The following CBFA2T3 variants were observed in gnomAD, a reference collection of about 807,000 sequenced individuals.
CBFA2T3 encodes the protein CBFA2/RUNX1 partner transcriptional co-repressor 3, also known as transcriptional corepressor CBFA2T3.
A neutral mutation model predicts 58.6 loss-of-function variants in CBFA2T3; 31 were observed. The observed-to-expected ratio is 0.53, with a 90% confidence interval of 0.40 to 0.71. The LOEUF (loss-of-function observed/expected upper bound fraction) is 0.71. Ranked by LOEUF, CBFA2T3 falls within the 30% of genes least tolerant of loss-of-function variation. CBFA2T3 has a pLI of 0.00. For missense variants in CBFA2T3, 1,076 were observed against 963.1 expected (o/e 1.12, Z -1.55); for synonymous variants, 531 against 421.9 (o/e 1.26, Z -3.17).
intron 1 of CBFA2T3, among the ~76,000 whole-genome samples, chr16:88,914,594 C>T (rs375088910): frequency 6.6e-6 from 1 of 152,202 alleles, no homozygotes; most frequent in Non-Finnish European, 1.5e-5. Context: ...GTTTTTAAAG[C>T]GACCAGGGTG....
At position 88,975,132 on chromosome 16, in the gene CBFA2T3, CTG is replaced by C. The variant is rs1972774996; in HGVS notation, c.151+1523_151+1524del. Among the ~76,000 whole-genome samples the C allele has an allele frequency of 1.6e-4, 23 of 146,552 alleles. 1 individual carries two copies. Among genetic ancestry groups the C allele is most frequent in the Admixed American group, 7.3e-4 (11 of 14,980 alleles). On this transcript the variant is annotated intron_variant, in intron 1 of 11. Coordinates refer to ENST00000268679, the MANE Select transcript of CBFA2T3 (RefSeq NM_005187.6). The stretch of plus-strand genomic sequence containing the variant: ...TAGAGGCCACCCTGGCCCTCTGCTC[CTG>C]ACCTGCAGCCATGTCAGAGGTCCAC...
intron 1 of CBFA2T3, among the ~76,000 whole-genome samples, chr16:88,956,743 C>T (rs924156109): frequency 2.0e-5 from 3 of 152,312 alleles, no homozygotes; most frequent in Middle Eastern, 3.4e-3. Flanking sequence ...GCGTGGGCGG[C>T]GGGGGCTGGC....
chr16:88,882,811 G>A, intron 7 of CBFA2T3, 50 bp from the exon 8 acceptor site: 1 of 1,267,842 alleles, frequency 7.9e-7, no homozygotes, highest in Non-Finnish European at 1.1e-6. Context: ...GCCAGTCTCT[G>A]CCCTATTCTC....
chr16:88,879,816 G>A (rs1383953779), intron 10 of CBFA2T3: 1 of 242,910 alleles, frequency 4.1e-6, no homozygotes, highest in Non-Finnish European at 8.0e-6. Flanking sequence ...GCAAGGGCGA[G>A]GCCCACCCCA....
rs112559771 is a variant in CBFA2T3, at chr16:88,953,694, C to T, written c.151+22963G>A. Among the ~76,000 whole-genome samples, 1 of 152,284 alleles carries T rather than the reference C, an allele frequency of 6.6e-6. No homozygotes were observed. Among genetic ancestry groups the T allele is most frequent in the East Asian group, 1.9e-4 (1 of 5,184 alleles). ...ATGCCAAAGCGCCTTTTGCTGTATT[C>T]GGCACCCTGAGACCCTTATGTCTGC... On this transcript the variant is annotated intron_variant, in intron 1 of 11. Transcript: ENST00000268679. The surrounding 1 kb of genome is among the most constrained non-coding windows in gnomAD (Gnocchi z 4.9).
Position 88,932,873 on chromosome 16 carries a change from G to A in CBFA2T3, c.152-31217C>T, listed in dbSNP as rs559766061. Among the ~76,000 whole-genome samples, 12 of 147,542 alleles carry A rather than the reference G, an allele frequency of 8.1e-5. No individual in the cohort carries two copies. In the South Asian group the frequency reaches 1.6e-3, roughly 19 times the overall value. ...AATCCCAGCTACTCAGGAGGCTGAC[G>A]CAGGAGAATCACTTGAACCCGGGAA... On this transcript the variant is annotated intron_variant, in intron 1 of 11. Transcript: ENST00000268679.
chr16:88,898,237 C>T (rs2142622033), intron 2 of CBFA2T3, 85 bp from the exon 3 acceptor site: 5 of 1,034,260 alleles, frequency 4.8e-6, no homozygotes, highest in Non-Finnish European at 7.5e-6. Flanking sequence ...GCCACCTTTT[C>T]CTACTTCTCA....
chr16:88,930,661 A>C (rs911272943), intron 1 of CBFA2T3, among the ~76,000 whole-genome samples: 4 of 144,946 alleles, frequency 2.8e-5, no homozygotes, highest in Non-Finnish European at 6.0e-5. Flanking sequence ...GAGCGGGGGC[A>C]GACTGAGGGC....
rs530474122 is a variant in CBFA2T3 at position 88,891,283 on chromosome 16, T to C, written c.711+599A>G. 2.6e-5 allele frequency among the ~76,000 whole-genome samples: 4 copies of C among 152,330 alleles called. No individual in the cohort carries two copies. In the South Asian group the frequency reaches 8.3e-4, roughly 32 times the overall value. On this transcript the variant is annotated intron_variant, in intron 5 of 11. Transcript: ENST00000268679. ...CCCCATACCTCAGGGCCTCTGCACG[T>C]GCAGTTACTGCTGTCTGGAAAACCC... is the stretch of plus-strand genomic sequence containing the variant.
Position 88,958,026 on chromosome 16 carries a change from A to G in CBFA2T3, c.151+18631T>C, listed in dbSNP as rs1345476165. Among the ~76,000 whole-genome samples, 1 of 152,220 alleles carries G rather than the reference A, an allele frequency of 6.6e-6. No individual in the cohort carries two copies. Among genetic ancestry groups the G allele is most frequent in the East Asian group, 1.9e-4 (1 of 5,186 alleles). On this transcript the variant is annotated intron_variant, in intron 1 of 11. Coordinates refer to ENST00000268679, the MANE Select transcript of CBFA2T3 (RefSeq NM_005187.6). The surrounding 1 kb of genome is among the most constrained non-coding windows in gnomAD (Gnocchi z 4.0). Reference sequence around the variant, plus strand: ...ACCTCAACAAGGCTGCTGGAAAACCACAGTAGACCCGGAACGAAAGTACCT... The same window carrying G: ...ACCTCAACAAGGCTGCTGGAAAACCGCAGTAGACCCGGAACGAAAGTACCT...
At chr16:88,963,537 T>G (rs1972421539) in intron 1 of CBFA2T3, among the ~76,000 whole-genome samples, 1 of 152,266 alleles carries the variant, frequency 6.6e-6, no homozygotes, top group African/African-American at 2.4e-5. Flanking sequence ...GAGCTGTCAC[T>G]GTCTTCTCCA....
intron 1 of CBFA2T3, among the ~76,000 whole-genome samples, chr16:88,968,872 C>G (rs1025456828): frequency 3.9e-5 from 6 of 152,162 alleles, no homozygotes; most frequent in African/African-American, 1.4e-4. Context: ...GGTGGCGAGG[C>G]CCTGGACCTG....
chr16:88,975,935 C>T (rs565572897), intron 1 of CBFA2T3, among the ~76,000 whole-genome samples: 5 of 152,352 alleles, frequency 3.3e-5, no homozygotes, highest in African/African-American at 4.8e-5. Flanking sequence ...CTGAAGGTTC[C>T]GACGGCTGCT....
At chr16:88,956,045 C>T (rs538794375) in intron 1 of CBFA2T3, among the ~76,000 whole-genome samples, 17 of 152,172 alleles carry the variant, frequency 1.1e-4, no homozygotes, top group South Asian at 4.1e-4. Flanking sequence ...CCAGGGCTCC[C>T]GACCCTGCCC....
chr16:88,914,061 C>A (rs1001551221), intron 1 of CBFA2T3, among the ~76,000 whole-genome samples: 1 of 152,188 alleles, frequency 6.6e-6, no homozygotes, highest in African/African-American at 2.4e-5. Context: ...CACGGCCATA[C>A]AATGGAATAC....
chr16:88,903,245 G>A (rs1402977085), intron 1 of CBFA2T3, among the ~76,000 whole-genome samples: 9 of 152,218 alleles, frequency 5.9e-5, no homozygotes, highest in Non-Finnish European at 1.3e-4. Context: ...TGATCCTCTT[G>A]CCGCCGGCTC....
intron 7 of CBFA2T3, chr16:88,884,497 C>T (rs1185810375): frequency 6.6e-6 from 1 of 152,520 alleles, no homozygotes; most frequent in Non-Finnish European, 1.5e-5. Context: ...GGTGCTGACG[C>T]CACCCCACTG....
chr16:88,943,312 G>A (rs895017730), intron 1 of CBFA2T3, among the ~76,000 whole-genome samples: 1 of 152,234 alleles, frequency 6.6e-6, no homozygotes, highest in Non-Finnish European at 1.5e-5. Context: ...CCAGCGGCAC[G>A]TCCGTGGTCT....
intron 11 of CBFA2T3, among the ~76,000 whole-genome samples, chr16:88,878,608 C>G (rs920582621): frequency 3.3e-5 from 5 of 152,194 alleles, no homozygotes; most frequent in African/African-American, 1.2e-4. Flanking sequence ...CCACCTGGGG[C>G]CCTCACAGCT....
Sources: allele counts gnomAD v4.1 joint callset (sites outside exome capture counted in the v4.1 genomes callset), GRCh38; gene constraint gnomAD v4.1.1; non-coding constraint Gnocchi (gnomAD v3.1); transcripts MANE v1.5; gene names NCBI Gene and HGNC (gene_info 2026-07-23, HGNC 2026-07-21).